Variants in LGSN observed in about 807,000 individuals in gnomAD.
LGSN encodes the protein lengsin, lens protein with glutamine synthetase domain.
In LGSN, 21 loss-of-function variants were observed where a neutral mutation model predicts 19.5. The observed-to-expected ratio is 1.07, with a 90% CI of 0.76 to 1.55. LGSN has a LOEUF of 1.55. LGSN is among the 40% of genes most tolerant of loss of function. The pLI is 0.00. For synonymous variants in LGSN, 257 were observed against 215.6 expected, an observed-to-expected ratio of 1.19 and a Z score of -1.68; for missense variants, 673 against 608.5, an observed-to-expected ratio of 1.11 and a Z score of -1.12.
At chr6:63,292,929 C>A (rs1193366105) in intron 2 of LGSN, among the ~76,000 whole-genome samples, 2 of 152,178 alleles carry the variant, frequency 1.3e-5, no homozygotes, top group Non-Finnish European at 2.9e-5. Flanking sequence ...TAGACACTAT[C>A]CCTCTAACGT....
the LGSN span, among the ~76,000 whole-genome samples, chr6:63,419,880 CAAAAAAAAAAAAAAAAAAAAAAA>C: frequency 1.6e-3 from 90 of 57,338 alleles, no homozygotes; most frequent in East Asian, 7.0e-3. Context: ...AACTCCCTCC[CAAAAAAAAAAAAAAAAAAAAAAA>C]AAAAAAAAAA....
chr6:63,302,517 A>C (rs1287971259), intron 1 of LGSN, among the ~76,000 whole-genome samples: 2 of 152,236 alleles, frequency 1.3e-5, no homozygotes, highest in African/African-American at 4.8e-5. Flanking sequence ...AAAAGCTCTA[A>C]TGAAGAAGTT....
chr6:63,421,738 G>GA, the LGSN span, among the ~76,000 whole-genome samples: 6 of 147,564 alleles, frequency 4.1e-5, no homozygotes, highest in African/African-American at 7.5e-5. Flanking sequence ...AAAAAAGAAA[G>GA]AAAAAAAAAG....
At chr6:63,360,941 G>A in the LGSN span, among the ~76,000 whole-genome samples, 1 of 152,174 alleles carries the variant, frequency 6.6e-6, no homozygotes, top group Non-Finnish European at 1.5e-5. Context: ...TGTTTGCCTG[G>A]GTATCAGCAG....
At chr6:63,551,837 C>T in the LGSN span, among the ~76,000 whole-genome samples, 4 of 152,152 alleles carry the variant, frequency 2.6e-5, no homozygotes, top group African/African-American at 9.7e-5. Flanking sequence ...ATGATGGTTT[C>T]CAGCTTCATC....
the LGSN span, among the ~76,000 whole-genome samples, chr6:63,566,345 G>A: frequency 6.6e-6 from 1 of 152,194 alleles, no homozygotes; most frequent in Non-Finnish European, 1.5e-5. Context: ...GTAGCCAGGG[G>A]GTGAGGGGAT....
At chr6:63,302,978 A>G (rs1235008531) in intron 1 of LGSN, among the ~76,000 whole-genome samples, 1 of 152,086 alleles carries the variant, frequency 6.6e-6, no homozygotes, top group East Asian at 1.9e-4. Flanking sequence ...AAATGCAAAA[A>G]TTATTCAGGC....
intron 1 of LGSN, among the ~76,000 whole-genome samples, chr6:63,297,658 G>A (rs1768028707): frequency 6.6e-6 from 1 of 152,076 alleles, no homozygotes; most frequent in Admixed American, 6.5e-5. Flanking sequence ...AAACTTACTA[G>A]CCCAGATGAT....
At chr6:63,406,094 C>T in the LGSN span, among the ~76,000 whole-genome samples, 2 of 152,152 alleles carry the variant, frequency 1.3e-5, no homozygotes, top group African/African-American at 4.8e-5. Context: ...TTTAACACCC[C>T]ACTGTCAACA....
the LGSN span, among the ~76,000 whole-genome samples, chr6:63,378,628 T>A: frequency 6.6e-6 from 1 of 152,086 alleles, no homozygotes; most frequent in Non-Finnish European, 1.5e-5. Flanking sequence ...GAAAGGCACA[T>A]GCACAGAGAT....
the LGSN span, among the ~76,000 whole-genome samples, chr6:63,558,468 A>G: frequency 6.6e-6 from 1 of 152,208 alleles, no homozygotes; most frequent in African/African-American, 2.4e-5. Flanking sequence ...TAAGATTGCC[A>G]TGTCTGTGGC....
the LGSN span, among the ~76,000 whole-genome samples, chr6:63,394,695 C>A: frequency 1.2e-3 from 182 of 152,322 alleles, no homozygotes; most frequent in Non-Finnish European, 2.2e-3. Context: ...ACCTCGAATT[C>A]TTTTTTGCAC....
chr6:63,454,470 C>CTTTTTTTTTTTTTTTTTTTTTTTTTTT, the LGSN span, among the ~76,000 whole-genome samples: 2 of 118,654 alleles, frequency 1.7e-5, no homozygotes, highest in Non-Finnish European at 3.4e-5. Flanking sequence ...TTTACATTTT[C>CTTTTTTTTTTTTTTTTTTTTTTTTTTT]TTTTTTTTTT....
upstream of LGSN, among the ~76,000 whole-genome samples, chr6:63,323,639 AT>A (rs1260748248): frequency 6.6e-6 from 1 of 151,746 alleles, no homozygotes; most frequent in African/African-American, 2.4e-5. Flanking sequence ...ATATTTAAAA[AT>A]ATAATAATAA....
At chr6:63,328,646 C>T in the LGSN span, among the ~76,000 whole-genome samples, 14 of 152,336 alleles carry the variant, frequency 9.2e-5, no homozygotes, top group Middle Eastern at 3.4e-3. Context: ...GGTTGTCCCA[C>T]GAGTCTGAGT....
the LGSN span, among the ~76,000 whole-genome samples, chr6:63,388,292 T>G: frequency 2.6e-5 from 4 of 152,124 alleles, no homozygotes; most frequent in African/African-American, 9.7e-5. Flanking sequence ...AGGTAGGCAG[T>G]TGGACAGAAA....
At chr6:63,524,008 G>A in the LGSN span, among the ~76,000 whole-genome samples, 7 of 151,744 alleles carry the variant, frequency 4.6e-5, no homozygotes, top group African/African-American at 1.7e-4. Context: ...TCTGGAGACA[G>A]TCTTGCTCTG....
chr6:63,338,586 T>C, the LGSN span, among the ~76,000 whole-genome samples: 1 of 152,160 alleles, frequency 6.6e-6, no homozygotes, highest in African/African-American at 2.4e-5. Context: ...TTTGGGTCTT[T>C]CTTGTTTTCT....
At chr6:63,335,142 C>CAAAAA in the LGSN span, among the ~76,000 whole-genome samples, 1 of 81,878 alleles carries the variant, frequency 1.2e-5, no homozygotes. Context: ...GACTCCATCT[C>CAAAAA]AAAAAAAAAA....
Sources: gnomAD v4.1 joint callset for allele counts (sites outside exome capture counted in the v4.1 genomes callset) on GRCh38, gnomAD v4.1.1 for gene constraint, MANE v1.5 for transcripts, NCBI Gene and HGNC (gene_info 2026-07-23, HGNC 2026-07-21) for gene names.